KHDRBS2: variants seen among roughly 807,000 people sequenced by gnomAD.
KHDRBS2 encodes KH RNA binding domain containing, signal transduction associated 2.
In KHDRBS2, 26 loss-of-function variants were observed where a neutral mutation model predicts 44.3. That is an observed-to-expected ratio of 0.59 (90% CI 0.43 to 0.81). The LOEUF (loss-of-function observed/expected upper bound fraction) is 0.81, where lower values mean the gene tolerates loss of function less well. Among genes scored for constraint, KHDRBS2 ranks in the 40% least tolerant of loss-of-function variants. KHDRBS2 has a pLI of 0.00. For synonymous variants in KHDRBS2, 194 were observed against 151.1 expected, an observed-to-expected ratio of 1.28 and a Z score of -2.08; for missense variants, 476 against 433.1, an observed-to-expected ratio of 1.10 and a Z score of -0.88.
At chr6:62,233,769 T>C (rs560561055) in intron 1 of KHDRBS2, among the ~76,000 whole-genome samples, 20 of 152,284 alleles carry the variant, frequency 1.3e-4, no homozygotes, top group African/African-American at 4.1e-4. Context: ...GTTAGTTTTC[T>C]AGGCATAATG....
chr6:62,041,734 G>C (rs955349945), intron 3 of KHDRBS2, among the ~76,000 whole-genome samples: 2 of 151,960 alleles, frequency 1.3e-5, no homozygotes, highest in African/African-American at 4.8e-5. Flanking sequence ...AAATTAAAAG[G>C]AATTTGTCTA....
the KHDRBS2 span, among the ~76,000 whole-genome samples, chr6:61,553,014 T>G: frequency 1.3e-5 from 2 of 152,182 alleles, no homozygotes; most frequent in Non-Finnish European, 2.9e-5. Flanking sequence ...GATGGTGGCC[T>G]CATAGAATGA....
the KHDRBS2 span, among the ~76,000 whole-genome samples, chr6:61,555,211 A>G: frequency 1.3e-5 from 2 of 151,740 alleles, no homozygotes; most frequent in Non-Finnish European, 1.5e-5. Flanking sequence ...CAACTTTATT[A>G]TTTTTTTTCT....
intron 2 of KHDRBS2, among the ~76,000 whole-genome samples, chr6:62,087,103 C>A (rs1798538164): frequency 6.6e-6 from 1 of 151,906 alleles, no homozygotes; most frequent in Non-Finnish European, 1.5e-5. Context: ...CTAGAAGATT[C>A]AGAAAAATAT....
At chr6:62,166,265 A>C (rs555469371) in intron 2 of KHDRBS2, among the ~76,000 whole-genome samples, 1 of 152,138 alleles carries the variant, frequency 6.6e-6, no homozygotes, top group African/African-American at 2.4e-5. Context: ...GCTATTGTGA[A>C]TAATACCTCT....
chr6:61,662,779 G>C, the KHDRBS2 span, among the ~76,000 whole-genome samples: 1 of 151,794 alleles, frequency 6.6e-6, no homozygotes, highest in African/African-American at 2.4e-5. Context: ...TGGAGAAATA[G>C]GAACACTTTT....
chr6:61,807,402 A>G (rs1715025), intron 6 of KHDRBS2, among the ~76,000 whole-genome samples: 42,969 of 152,084 alleles, frequency 0.28, 6,277 homozygotes, highest in South Asian at 0.35. Context: ...TCACAATAGC[A>G]AAGACATGGA....
chr6:61,833,830 C>T (rs1189682046), intron 6 of KHDRBS2, among the ~76,000 whole-genome samples: 1 of 152,120 alleles, frequency 6.6e-6, no homozygotes, highest in Non-Finnish European at 1.5e-5. Flanking sequence ...GCAATTCTTA[C>T]AATTTCTTTA....
At chr6:61,978,310 TTTCC>T in intron 3 of KHDRBS2, 98 bp from the exon 4 acceptor site, 1 of 875,914 alleles carries the variant, frequency 1.1e-6, no homozygotes, top group Non-Finnish European at 1.7e-6. Flanking sequence ...TTAAGCAAAT[TTTCC>T]ATAATTTGCT....
At chr6:62,276,498 C>A (rs904505357) in intron 1 of KHDRBS2, among the ~76,000 whole-genome samples, 1 of 152,058 alleles carries the variant, frequency 6.6e-6, no homozygotes, top group African/African-American at 2.4e-5. Context: ...TTTTTGGGTC[C>A]AAAGAAGTCT....
chr6:62,284,830 T>G (rs1842259789), intron 1 of KHDRBS2, among the ~76,000 whole-genome samples: 1 of 152,176 alleles, frequency 6.6e-6, no homozygotes, highest in Non-Finnish European at 1.5e-5. Context: ...TTGGTACAAC[T>G]AAGTCTCAAA....
In KHDRBS2 at chr6:61,934,163, A is replaced by G. The variant is rs116430063; in HGVS notation, c.484-32792T>C. ...AGTTATTTGTCGGGTTTTTTTTTGCAGTTGAATTGTTTGAGTTTCTTATAT... is the reference window on the plus strand; with the variant it reads ...AGTTATTTGTCGGGTTTTTTTTTGCGGTTGAATTGTTTGAGTTTCTTATAT... On this transcript the variant is annotated intron_variant, in intron 4 of 8. Transcript: ENST00000281156. Among the ~76,000 whole-genome samples, 1,483 of 151,272 alleles carry G rather than the reference A, an allele frequency of 9.8e-3. 12 individuals carry two copies. The highest frequency in any genetic ancestry group is 0.017 in the Middle Eastern group (5 of 292).
chr6:62,099,773 G>A (rs558683013), intron 2 of KHDRBS2, among the ~76,000 whole-genome samples: 1 of 152,260 alleles, frequency 6.6e-6, no homozygotes, highest in African/African-American at 2.4e-5. Flanking sequence ...CCTACCTGCT[G>A]CTGAGGTAGG....
At chr6:61,987,085 G>A (rs1159020912) in intron 3 of KHDRBS2, among the ~76,000 whole-genome samples, 1 of 152,136 alleles carries the variant, frequency 6.6e-6, no homozygotes, top group African/African-American at 2.4e-5. Context: ...TCTATTTCAT[G>A]ATGGCCAGAA....
chr6:61,615,869 G>A, the KHDRBS2 span, among the ~76,000 whole-genome samples: 6 of 152,222 alleles, frequency 3.9e-5, no homozygotes, highest in East Asian at 1.2e-3. Flanking sequence ...TTACCTACCA[G>A]AGGAAAAATT....
intron 4 of KHDRBS2, among the ~76,000 whole-genome samples, chr6:61,954,633 TAC>T (rs1288010478): frequency 3.2e-5 from 4 of 126,748 alleles, no homozygotes; most frequent in African/African-American, 1.3e-4. Context: ...TATGTATATA[TAC>T]ACATACATAC....
intron 6 of KHDRBS2, among the ~76,000 whole-genome samples, chr6:61,833,191 G>A (rs1202760380): frequency 1.3e-5 from 2 of 152,104 alleles, no homozygotes; most frequent in African/African-American, 2.4e-5. Flanking sequence ...GTGTATCTAT[G>A]AAATTATAGT....
chr6:61,551,989 T>G, the KHDRBS2 span, among the ~76,000 whole-genome samples: 3 of 152,034 alleles, frequency 2.0e-5, no homozygotes, highest in Non-Finnish European at 2.9e-5. Context: ...ATGCTACTAA[T>G]TTTTGTACAT....
At chr6:61,653,613 C>CAG in the KHDRBS2 span, among the ~76,000 whole-genome samples, 185 of 148,934 alleles carry the variant, frequency 1.2e-3, 1 homozygote, top group South Asian at 0.014. Flanking sequence ...AACTGAGAGA[C>CAG]AGAGAGAGAG....
Sources: allele counts gnomAD v4.1 joint callset (sites outside exome capture counted in the v4.1 genomes callset), GRCh38; gene constraint gnomAD v4.1.1; transcripts MANE v1.5; gene names NCBI Gene and HGNC (gene_info 2026-07-23, HGNC 2026-07-21).